AKT2: variants seen among roughly 807,000 people sequenced by gnomAD.
AKT2 encodes RAC-beta serine/threonine-protein kinase.
In AKT2, 16 loss-of-function variants were observed where a neutral mutation model predicts 58.6. That is an observed-to-expected ratio of 0.27 (90% confidence interval 0.18 to 0.41). AKT2 has a LOEUF of 0.41. Ranked by LOEUF, AKT2 falls within the 10% of genes least tolerant of loss-of-function variation. The pLI is 1.00. For synonymous variants in AKT2, 253 were observed against 254.0 expected, an observed-to-expected ratio of 1.00 and a Z score of 0.04; for missense variants, 438 against 661.0, an observed-to-expected ratio of 0.66 and a Z score of 3.70.
intron 4 of AKT2, chr19:40,244,128 G>A (rs574556411): frequency 6.6e-6 from 1 of 151,170 alleles, no homozygotes; most frequent in African/African-American, 2.4e-5. Context: ...TGTCACTCAT[G>A]GTTTAGAACT....
intron 1 of AKT2, chr19:40,274,100 C>G (rs1465422413): frequency 6.6e-6 from 1 of 152,664 alleles, no homozygotes; most frequent in Non-Finnish European, 1.5e-5. Flanking sequence ...CCTGACCACC[C>G]CTCTCCCACG....
chr19:40,243,911 A>T (rs1228037791), intron 4 of AKT2: 1 of 151,334 alleles, frequency 6.6e-6, no homozygotes, highest in African/African-American at 2.4e-5. Context: ...GGGCGTGGTG[A>T]CGGGCGCCTG....
In AKT2 at chr19:40,235,480, G is replaced by A. The variant is rs1267477252; in HGVS notation, c.1176-130C>T. ...TGACCACAAACCACTTCACAGAGGA[G>A]GAAACCGAGGCTCAGGGAGGGAGCT... On this transcript the variant is annotated intron_variant, in intron 11 of 13. Transcript: ENST00000392038. The surrounding 1 kb of genome is among the most constrained non-coding windows in gnomAD (Gnocchi z 6.3). 1.1e-6 allele frequency: 1 copy of A among 878,302 alleles called. No individual in the cohort carries two copies. The highest frequency in any genetic ancestry group is 3.2e-4 in the Middle Eastern group (1 of 3,080). The allele number at this position is 878,302 out of a possible 1,614,324, so 54.4% of individuals were successfully genotyped here.
At chr19:40,282,736 CG>C (rs2077446897) in intron 1 of AKT2, 36 of 323,118 alleles carry the variant, frequency 1.1e-4, no homozygotes, top group South Asian at 8.4e-4. Flanking sequence ...TGATAAGATG[CG>C]GTGGAAGGCA....
In AKT2 at chr19:40,242,437, C is replaced by A; in HGVS notation, c.441+97G>T. On this transcript the variant is annotated intron_variant, in intron 5 of 13. Transcript: ENST00000392038. This position sits in a 1 kb window ranked among gnomAD's most constrained non-coding sequence, Gnocchi z 4.3. ...AGGGCAGCCTTGTCTCTCAGCTGAG[C>A]CCCCTGAACTGTGTTATGGAAACCA... 2 of 1,555,034 alleles carry A rather than the reference C, an allele frequency of 1.3e-6. No homozygotes were observed. The highest frequency in any genetic ancestry group is 1.8e-6 in the Non-Finnish European group (2 of 1,137,150).
chr19:40,275,890 G>C (rs183404490), intron 1 of AKT2, among the ~76,000 whole-genome samples: 342 of 150,948 alleles, frequency 2.3e-3, no homozygotes, highest in Admixed American at 3.9e-3. Flanking sequence ...GTAGGCGCCT[G>C]TAATCCCAGC....
intron 1 of AKT2, among the ~76,000 whole-genome samples, chr19:40,278,640 A>G (rs1330402526): frequency 6.6e-6 from 1 of 151,878 alleles, no homozygotes; most frequent in African/African-American, 2.4e-5. Flanking sequence ...ACCAACAACG[A>G]GCCTGTGCCC....
intron 2 of AKT2, among the ~76,000 whole-genome samples, chr19:40,264,818 C>T (rs902451848): frequency 6.6e-6 from 1 of 152,154 alleles, no homozygotes; most frequent in Admixed American, 6.5e-5. Context: ...CCTGCCCCAC[C>T]CCCACTGGAA....
chr19:40,265,317 AG>A lies in AKT2; in HGVS notation c.-51del, dbSNP rs753761821. ...CTAGCTCGGGACAGCTCAGGGCAGC[AG>A]GACATGCAGGAGGCACCGTGGACAG... is the stretch of plus-strand genomic sequence containing the variant. On this transcript the variant is annotated 5_prime_UTR_variant, in exon 2 of 14. It removes the in-frame stop codon of an upstream open reading frame in the 5' UTR. Coordinates refer to ENST00000392038, the MANE Select transcript of AKT2 (RefSeq NM_001626.6). 45 of 1,600,502 alleles carry A rather than the reference AG, an allele frequency of 2.8e-5. No individual in the cohort carries two copies. Among genetic ancestry groups the A allele is most frequent in the South Asian group, 1.5e-4 (13 of 89,228 alleles).
intron 2 of AKT2, among the ~76,000 whole-genome samples, chr19:40,263,727 C>A (rs896416187): frequency 3.3e-5 from 5 of 152,224 alleles, no homozygotes; most frequent in African/African-American, 4.8e-5. Flanking sequence ...CTCATCGCTG[C>A]TCCCTGTCTG....
At chr19:40,257,586 AACACACAC>A (rs59835118) in intron 2 of AKT2, among the ~76,000 whole-genome samples, 181 of 146,236 alleles carry the variant, frequency 1.2e-3, no homozygotes, top group Non-Finnish European at 2.0e-3. Flanking sequence ...TATGCACACA[AACACACAC>A]ACACACACAC....
intron 2 of AKT2, among the ~76,000 whole-genome samples, chr19:40,261,698 C>T (rs1975969532): frequency 1.3e-5 from 2 of 151,968 alleles, no homozygotes; most frequent in Admixed American, 6.6e-5. Flanking sequence ...TACCCAGTCT[C>T]GGGTAATATG....
At position 40,280,101 on chromosome 19, in the gene AKT2, G is replaced by A. The variant is rs963541842; in HGVS notation, c.-85+5080C>T. ...CCAACCAGAGACCTGGGTGCTGGGC[G>A]CCAGTCACAAGCCCTGGTCTTTCCA... On this transcript the variant is annotated intron_variant, in intron 1 of 13. Coordinates refer to ENST00000392038, the MANE Select transcript of AKT2 (RefSeq NM_001626.6). 4.8e-4 allele frequency among the ~76,000 whole-genome samples: 73 copies of A among 152,330 alleles called. 1 individual carries two copies. Among genetic ancestry groups the A allele is most frequent in the African/African-American group, 1.6e-3 (68 of 41,566 alleles).
intron 3 of AKT2, 26 bp downstream of exon 3, chr19:40,256,900 A>G: frequency 6.2e-7 from 1 of 1,613,770 alleles, no homozygotes; most frequent in East Asian, 2.2e-5. Context: ...GCACCAGAAC[A>G]CTGACCCACT....
In AKT2 at chr19:40,238,328, G is replaced by A. The variant is rs28362956; in HGVS notation, c.709-237C>T. ...ATGAGAGGGTATGGGAGAGACATCC[G>A]AGACAGGAGGGAGGATGGCATGGAG... On this transcript the variant is annotated intron_variant, in intron 8 of 13. Coordinates refer to ENST00000392038, the MANE Select transcript of AKT2 (RefSeq NM_001626.6). The surrounding 1 kb of genome is among the most constrained non-coding windows in gnomAD (Gnocchi z 5.1). Among the ~76,000 whole-genome samples, 202 of 152,322 alleles carry A rather than the reference G, an allele frequency of 1.3e-3. No individual in the cohort carries two copies. The highest frequency in any genetic ancestry group is 4.5e-3 in the African/African-American group (187 of 41,572).
rs1973993725 is a variant in AKT2 at position 40,235,898 on chromosome 19, G to A, written c.1167C>T (p.Pro389=). The change falls in exon 11 of 14, where the codon CCC becomes CCT. Residue 389 remains proline (P), a synonymous_variant. Coordinates refer to ENST00000392038, the MANE Select transcript of AKT2 (RefSeq NM_001626.6). The surrounding 1 kb of genome is among the most constrained non-coding windows in gnomAD (Gnocchi z 6.3). ...SLLAGLLKKD[P]KQRLGGGPSD... Reference sequence around the variant, plus strand: ...CCGACGCCAGCCCTCACCTCTGCTTGGGGTCCTTCTTAAGCAGCCCAGCAA... The same window carrying A: ...CCGACGCCAGCCCTCACCTCTGCTTAGGGTCCTTCTTAAGCAGCCCAGCAA... 6.2e-7 allele frequency: 1 copy of A among 1,610,342 alleles called. No homozygotes were observed. The highest frequency in any genetic ancestry group is 1.7e-5 in the Admixed American group (1 of 59,964).
intron 7 of AKT2, chr19:40,239,582 A>G (rs1277948494): frequency 2.9e-6 from 1 of 349,830 alleles, no homozygotes; most frequent in East Asian, 7.4e-5. Flanking sequence ...GCCATCCTCA[A>G]TCTAGTCCAT....
intron 1 of AKT2, among the ~76,000 whole-genome samples, chr19:40,276,721 G>A (rs1212681290): frequency 2.6e-5 from 4 of 151,154 alleles, no homozygotes; most frequent in Non-Finnish European, 5.9e-5. Context: ...TATCTCAAAA[G>A]ATAATTTTTG....
At chr19:40,248,205 G>A (rs2145242041) in intron 4 of AKT2, among the ~76,000 whole-genome samples, 1 of 152,222 alleles carries the variant, frequency 6.6e-6, no homozygotes, top group East Asian at 1.9e-4. Context: ...GGTGGGTGAG[G>A]CACTAGAGGG....
Sources: allele counts gnomAD v4.1 joint callset (sites outside exome capture counted in the v4.1 genomes callset), GRCh38; gene constraint gnomAD v4.1.1; non-coding constraint Gnocchi (gnomAD v3.1); transcripts MANE v1.5; gene names NCBI Gene and HGNC (gene_info 2026-07-23, HGNC 2026-07-21).